PRDM6: variants seen among roughly 807,000 people sequenced by gnomAD.
PRDM6 encodes putative histone-lysine N-methyltransferase PRDM6.
A neutral mutation model predicts 60.8 loss-of-function variants in PRDM6; 25 were observed. The ratio of observed to expected loss-of-function variants is 0.41; its 90% CI spans 0.30 to 0.57. The LOEUF (loss-of-function observed/expected upper bound fraction) is 0.57, where lower values mean the gene tolerates loss of function less well. Ranked by LOEUF, PRDM6 falls within the 20% of genes least tolerant of loss-of-function variation. The pLI is 0.27. For synonymous variants in PRDM6, 407 were observed against 357.4 expected, an observed-to-expected ratio of 1.14 and a Z score of -1.57; for missense variants, 839 against 821.3, an observed-to-expected ratio of 1.02 and a Z score of -0.26.
At chr5:123,089,746 C>T (rs1241365268) in intron 1 of PRDM6, among the ~76,000 whole-genome samples, 1 of 152,200 alleles carries the variant, frequency 6.6e-6, no homozygotes, top group African/African-American at 2.4e-5. Context: ...CCTGTCGGGC[C>T]CCAGCATTGC....
In PRDM6 at chr5:123,099,434, C is replaced by G. The variant is rs1764045261; in HGVS notation, c.593-220C>G. ...GGGAGCCTAGAGTCCTGGCCCGGTA[C>G]CAGGCAGATCTGGGTGCGGCGAATT... On this transcript the variant is annotated intron_variant, in intron 2 of 7. Coordinates refer to ENST00000407847, the MANE Select transcript of PRDM6 (RefSeq NM_001136239.4). The surrounding 1 kb of genome is among the most constrained non-coding windows in gnomAD (Gnocchi z 4.0). 6.6e-6 allele frequency among the ~76,000 whole-genome samples: 1 copy of G among 152,162 alleles called. No homozygotes were observed. Among genetic ancestry groups the G allele is most frequent in the Admixed American group, 6.5e-5 (1 of 15,280 alleles).
chr5:123,149,509 C>T (rs189910136), intron 3 of PRDM6, among the ~76,000 whole-genome samples: 15 of 152,254 alleles, frequency 9.9e-5, no homozygotes, highest in African/African-American at 3.4e-4. Context: ...AAAGCCACAG[C>T]TAATTAAAAC....
intron 3 of PRDM6, among the ~76,000 whole-genome samples, chr5:123,153,054 A>G (rs189253422): frequency 6.6e-6 from 1 of 152,376 alleles, no homozygotes; most frequent in African/African-American, 2.4e-5. Flanking sequence ...GTTTGAAAAT[A>G]GCAGCAACAA....
chr5:123,138,173 C>A (rs116735672), intron 3 of PRDM6, among the ~76,000 whole-genome samples: 1 of 152,060 alleles, frequency 6.6e-6, no homozygotes, highest in Non-Finnish European at 1.5e-5. Context: ...CCTGTTCTAA[C>A]GACTTTAAAA....
intron 3 of PRDM6, among the ~76,000 whole-genome samples, chr5:123,144,804 C>T (rs1439328289): frequency 6.6e-6 from 1 of 152,178 alleles, no homozygotes; most frequent in African/African-American, 2.4e-5. Flanking sequence ...TCTCCCAGGG[C>T]ATACTCAACT....
intron 3 of PRDM6, among the ~76,000 whole-genome samples, chr5:123,139,730 C>G (rs184278847): frequency 1.6e-4 from 25 of 152,104 alleles, no homozygotes; most frequent in Non-Finnish European, 2.9e-4. Context: ...CTTATCCAAC[C>G]AATTTTTAAA....
chr5:123,124,165 T>C (rs930297007), intron 3 of PRDM6, among the ~76,000 whole-genome samples: 1 of 152,182 alleles, frequency 6.6e-6, no homozygotes, highest in Admixed American at 6.5e-5. Context: ...GCCGTTGTCC[T>C]GCAGCACAGC....
intron 7 of PRDM6, among the ~76,000 whole-genome samples, chr5:123,185,711 G>A (rs915118474): frequency 2.6e-5 from 4 of 152,192 alleles, no homozygotes; most frequent in African/African-American, 9.6e-5. Flanking sequence ...ATCCAAATGC[G>A]AAGTGAAGCT....
intron 3 of PRDM6, among the ~76,000 whole-genome samples, chr5:123,145,716 C>T (rs960753799): frequency 7.0e-6 from 1 of 143,092 alleles, no homozygotes; most frequent in African/African-American, 2.6e-5. Flanking sequence ...AATGTCTTCT[C>T]AATTATTTAA....
At chr5:123,140,329 G>A (rs1035650789) in intron 3 of PRDM6, among the ~76,000 whole-genome samples, 2 of 150,892 alleles carry the variant, frequency 1.3e-5, no homozygotes, top group Admixed American at 1.3e-4. Flanking sequence ...ATATATATTT[G>A]TTTGGAAAAA....
chr5:123,163,109 C>T (rs1765674016), intron 5 of PRDM6, among the ~76,000 whole-genome samples: 1 of 152,056 alleles, frequency 6.6e-6, no homozygotes, highest in South Asian at 2.1e-4. Context: ...AAAATACCTC[C>T]ACAGAGCCTC....
chr5:123,182,850 C>A, intron 7 of PRDM6, among the ~76,000 whole-genome samples: 1 of 151,386 alleles, frequency 6.6e-6, no homozygotes, highest in East Asian at 2.0e-4. Context: ...AATAGATATT[C>A]CCAGGGGAGA....
rs755094703 is a variant in PRDM6, at chr5:123,140,145, GA to G, written c.901-15732del. Among the ~76,000 whole-genome samples the G allele has an allele frequency of 2.0e-5, 3 of 151,770 alleles. No individual in the cohort carries two copies. The East Asian group carries it at 5.8e-4, about 29-fold the overall frequency. On this transcript the variant is annotated intron_variant, in intron 3 of 7. Coordinates refer to ENST00000407847, the MANE Select transcript of PRDM6 (RefSeq NM_001136239.4). ...TAATATCATAATTACCGCGGCTTAT[GA>G]AAAAAATGGGTTAAGTTCTAAGATG...
chr5:123,121,353 G>A (rs1173743928), intron 3 of PRDM6, among the ~76,000 whole-genome samples: 1 of 151,132 alleles, frequency 6.6e-6, no homozygotes, highest in African/African-American at 2.4e-5. Context: ...TTCTTTTTTT[G>A]CTTCATTTTT....
At position 123,127,060 on chromosome 5, in the gene PRDM6, T is replaced by A. The variant is rs542708463; in HGVS notation, c.900+27099T>A. Among the ~76,000 whole-genome samples the A allele has an allele frequency of 1.4e-3, 217 of 151,356 alleles. 3 individuals carry two copies. The highest frequency in any genetic ancestry group is 5.0e-3 in the African/African-American group (208 of 41,226). ...ACTTAACTTTTTTTTTTTTTTGAGA[T>A]GGAGTCTTTCTCTGTTGCCCAGGCT... On this transcript the variant is annotated intron_variant, in intron 3 of 7. Transcript: ENST00000407847.
At chr5:123,091,393 CTG>C (rs1363903064) in intron 2 of PRDM6, among the ~76,000 whole-genome samples, 3 of 152,166 alleles carry the variant, frequency 2.0e-5, no homozygotes, top group Non-Finnish European at 2.9e-5. Context: ...ATTAGGGTGA[CTG>C]TAATTTAGTA....
At chr5:123,113,546 G>T (rs904714288) in intron 3 of PRDM6, among the ~76,000 whole-genome samples, 4 of 152,326 alleles carry the variant, frequency 2.6e-5, no homozygotes, top group Admixed American at 6.5e-5. Flanking sequence ...ATGAAGGCAG[G>T]TAAGTAACTT....
intron 3 of PRDM6, among the ~76,000 whole-genome samples, chr5:123,114,611 G>A (rs865780409): frequency 1.2e-4 from 18 of 152,220 alleles, no homozygotes; most frequent in African/African-American, 4.1e-4. Flanking sequence ...AACATTGACT[G>A]GAGGTCCTTC....
At chr5:123,182,790 T>C (rs543274449) in intron 7 of PRDM6, among the ~76,000 whole-genome samples, 1 of 152,172 alleles carries the variant, frequency 6.6e-6, no homozygotes, top group Non-Finnish European at 1.5e-5. Flanking sequence ...TTCCTACTTT[T>C]ATCTAGACAG....
Sources: allele counts gnomAD v4.1 joint callset (sites outside exome capture counted in the v4.1 genomes callset), GRCh38; gene constraint gnomAD v4.1.1; non-coding constraint Gnocchi (gnomAD v3.1); transcripts MANE v1.5; gene names NCBI Gene and HGNC (gene_info 2026-07-23, HGNC 2026-07-21).